Variants in CPSF4L observed in about 807,000 individuals in gnomAD.
The protein encoded by CPSF4L is cleavage and polyadenylation specific factor 4 like.
CPSF4L carries 18 observed loss-of-function variants against 24.0 expected under a neutral mutation model. That is an observed-to-expected ratio of 0.75 (90% CI 0.52 to 1.11). The LOEUF (loss-of-function observed/expected upper bound fraction) is 1.11, where lower values mean the gene tolerates loss of function less well. CPSF4L is among the 50% of genes least tolerant of loss of function. The pLI is 0.00. For missense variants in CPSF4L, 211 were observed against 221.8 expected, an observed-to-expected ratio of 0.95 and a Z score of 0.31; for synonymous variants, 72 against 77.2, an observed-to-expected ratio of 0.93 and a Z score of 0.35.
the CPSF4L span, chr17:73,243,231 T>C: frequency 1.9e-6 from 1 of 513,278 alleles, no homozygotes. Context: ...CTCAGCTCAC[T>C]GCAACCTCTG....
downstream of CPSF4L, chr17:73,247,305 G>A (rs368091108): frequency 1.5e-5 from 25 of 1,614,080 alleles, no homozygotes; most frequent in South Asian, 3.3e-5. Context: ...TGGCGAAGAC[G>A]ACTGGGGATT....
At chr17:73,243,461 G>T (rs1043241730), downstream of CPSF4L, among the ~76,000 whole-genome samples, 1 of 151,732 alleles carries the variant, frequency 6.6e-6, no homozygotes, top group Non-Finnish European at 1.5e-5. Flanking sequence ...GCAGGCTCCG[G>T]GGTTTTATTA....
chr17:73,247,637 C>A, downstream of CPSF4L: 1 of 249,942 alleles, frequency 4.0e-6, no homozygotes, highest in Admixed American at 5.0e-5. Flanking sequence ...ATCCATGAGT[C>A]CTAAAAGGAT....
rs951172440 is a variant in CPSF4L, at chr17:73,248,635, A to C, written c.498-99T>G. 7.1e-5 allele frequency: 87 copies of C among 1,228,962 alleles called. 1 individual carries two copies. Among genetic ancestry groups the C allele is most frequent in the Non-Finnish European group, 9.8e-5 (84 of 855,564 alleles). 76.1% of individuals were successfully genotyped at this position (1,228,962 alleles called of 1,614,324 possible). A position where few individuals can be genotyped will look rare whatever the true frequency, so the allele number is the denominator to read the frequency against. On this transcript the variant is annotated intron_variant, in intron 5 of 5. Coordinates refer to ENST00000344935, the MANE Select transcript of CPSF4L (RefSeq NM_001129885.1). Reference sequence around the variant, plus strand: ...GAAGAGGCATGGTGACACCCAGGCTACTGTCCATGCTTGAGAGGACGTATT... The same window carrying C: ...GAAGAGGCATGGTGACACCCAGGCTCCTGTCCATGCTTGAGAGGACGTATT...
At chr17:73,247,544 T>A (rs552213825), downstream of CPSF4L, 12 of 536,310 alleles carry the variant, frequency 2.2e-5, no homozygotes, top group Non-Finnish European at 4.0e-5. Flanking sequence ...TGCTGAAACA[T>A]AATGAAAAGG....
chr17:73,259,248 C>T (rs1282073647), intron 2 of CPSF4L, among the ~76,000 whole-genome samples: 2 of 152,110 alleles, frequency 1.3e-5, no homozygotes, highest in African/African-American at 4.8e-5. Context: ...CCATGTCATC[C>T]AGGCTGGCAG....
intron 2 of CPSF4L, among the ~76,000 whole-genome samples, chr17:73,259,123 C>A (rs1240727178): frequency 6.6e-6 from 1 of 151,796 alleles, no homozygotes. Flanking sequence ...TTACTGTAGC[C>A]TCAACCTCCT....
chr17:73,249,309 AG>A (rs1166432271), intron 5 of CPSF4L, among the ~76,000 whole-genome samples: 3 of 152,154 alleles, frequency 2.0e-5, no homozygotes, highest in Non-Finnish European at 4.4e-5. Context: ...GTGCCATGCA[AG>A]GTTTTTTACA....
chr17:73,245,769 T>A, downstream of CPSF4L: 1 of 943,202 alleles, frequency 1.1e-6, no homozygotes, highest in Non-Finnish European at 1.3e-6. Context: ...TTAAGCTGAT[T>A]TTTAAAATAG....
intron 3 of CPSF4L, among the ~76,000 whole-genome samples, chr17:73,256,748 C>G (rs144057456): frequency 6.6e-6 from 1 of 152,122 alleles, no homozygotes; most frequent in South Asian, 2.1e-4. Context: ...CAAAGGAGGC[C>G]GGGCACCGCA....
At chr17:73,245,575 A>T (rs1222976452), downstream of CPSF4L, 1 of 985,342 alleles carries the variant, frequency 1.0e-6, no homozygotes, top group Non-Finnish European at 1.2e-6. Context: ...GAGATACCAG[A>T]CTACTACCTA....
At chr17:73,245,723 G>A (rs1247514210), downstream of CPSF4L, 8 of 985,266 alleles carry the variant, frequency 8.1e-6, no homozygotes, top group African/African-American at 3.5e-5. Flanking sequence ...CATTCGAGTT[G>A]CAGGTAAGCC....
At chr17:73,263,166 C>T (rs992643432), upstream of CPSF4L, among the ~76,000 whole-genome samples, 2 of 152,194 alleles carry the variant, frequency 1.3e-5, no homozygotes, top group African/African-American at 4.8e-5. Context: ...CCCAAGAATG[C>T]ATTCATCTGT....
At chr17:73,247,276 G>A (rs781193950), downstream of CPSF4L, 1 of 1,614,186 alleles carries the variant, frequency 6.2e-7, no homozygotes, top group Non-Finnish European at 8.5e-7. Flanking sequence ...GAAGAGCACA[G>A]TACCTCCATG....
At chr17:73,249,596 C>T (rs955568358) in intron 5 of CPSF4L, among the ~76,000 whole-genome samples, 3 of 152,176 alleles carry the variant, frequency 2.0e-5, no homozygotes, top group African/African-American at 7.2e-5. Flanking sequence ...CTTCCTCACA[C>T]ATCCCATTGC....
At chr17:73,248,357 C>T (rs906555186), downstream of CPSF4L, 8 of 780,896 alleles carry the variant, frequency 1.0e-5, no homozygotes, top group African/African-American at 3.5e-5. Flanking sequence ...AGAAAAAGAA[C>T]GTCTCTAACA....
At chr17:73,247,523 C>T (rs1275132655), downstream of CPSF4L, 1 of 572,792 alleles carries the variant, frequency 1.7e-6, no homozygotes, top group Non-Finnish European at 3.1e-6. Context: ...TATCACTTGT[C>T]ATAATCAGGG....
At chr17:73,258,403 T>C (rs2145282008) in intron 2 of CPSF4L, among the ~76,000 whole-genome samples, 1 of 152,198 alleles carries the variant, frequency 6.6e-6, no homozygotes, top group South Asian at 2.1e-4. Flanking sequence ...CCTCCCAGGT[T>C]CAAGTGATCC....
At chr17:73,245,458 C>A, downstream of CPSF4L, 1 of 1,137,052 alleles carries the variant, frequency 8.8e-7, no homozygotes, top group Admixed American at 4.6e-5. Context: ...TTTTGTTTAA[C>A]CATAAAGTTG....
Sources: allele counts gnomAD v4.1 joint callset (sites outside exome capture counted in the v4.1 genomes callset), GRCh38; gene constraint gnomAD v4.1.1; transcripts MANE v1.5; gene names NCBI Gene and HGNC (gene_info 2026-07-23, HGNC 2026-07-21).